Variants in UNC80 observed in about 807,000 individuals in gnomAD.
The protein encoded by UNC80 is protein unc-80 homolog.
A neutral mutation model predicts 384.6 loss-of-function variants in UNC80; 164 were observed. The observed-to-expected ratio is 0.43, with a 90% CI of 0.38 to 0.49. The LOEUF (loss-of-function observed/expected upper bound fraction) is 0.49, where lower values mean the gene tolerates loss of function less well. UNC80 is among the 20% of genes least tolerant of loss of function. The pLI is 0.00. For missense variants in UNC80, 3,330 were observed against 4,143.0 expected, an observed-to-expected ratio of 0.80 and a Z score of 5.39; for synonymous variants, 1,486 against 1,527.8, an observed-to-expected ratio of 0.97 and a Z score of 0.64.
At chr2:209,952,425 C>A (rs555340842) in intron 47 of UNC80, among the ~76,000 whole-genome samples, 3 of 152,280 alleles carry the variant, frequency 2.0e-5, no homozygotes, top group Admixed American at 6.5e-5. Context: ...ATTTATTTCA[C>A]ACTGCTAGGA....
At chr2:209,866,527 C>CACACACACACACACAT (rs774958486) in intron 22 of UNC80, among the ~76,000 whole-genome samples, 126 of 90,952 alleles carry the variant, frequency 1.4e-3, no homozygotes, top group Admixed American at 5.7e-3. Flanking sequence ...CACACACACA[C>CACACACACACACACAT]ACACACAGAG....
intron 29 of UNC80, among the ~76,000 whole-genome samples, chr2:209,911,268 A>G (rs180920464): frequency 3.2e-4 from 48 of 152,266 alleles, no homozygotes; most frequent in Admixed American, 6.5e-4. Context: ...CTATTGCTAT[A>G]TATGATTTTA....
At chr2:209,859,894 G>A (rs1461154353) in intron 22 of UNC80, among the ~76,000 whole-genome samples, 4 of 151,972 alleles carry the variant, frequency 2.6e-5, no homozygotes, top group Admixed American at 1.3e-4. Flanking sequence ...CTGTAAATTT[G>A]TTTAAGTTCC....
chr2:209,968,992 A>G (rs2125010323), intron 52 of UNC80: 1 of 152,360 alleles, frequency 6.6e-6, no homozygotes, highest in Middle Eastern at 3.4e-3. Flanking sequence ...AGCCTCATTT[A>G]TGAATACATT....
chr2:209,872,992 A>C lies in UNC80; in HGVS notation c.3840+22A>C. The stretch of plus-strand genomic sequence containing the variant: ...AGACGTGAGCTTTCGGTTTTCTTCT[A>C]TAACAATTAGGTTGCTTAAGTGAAG... On this transcript the variant is annotated intron_variant, in intron 23 of 64. Coordinates refer to ENST00000673920, the MANE Select transcript of UNC80 (RefSeq NM_001371986.1). This position sits in a 1 kb window ranked among gnomAD's most constrained non-coding sequence, Gnocchi z 4.1. 1.3e-6 allele frequency: 2 copies of C among 1,548,836 alleles called. No homozygotes were observed. Among genetic ancestry groups the C allele is most frequent in the East Asian group, 4.9e-5 (2 of 40,892 alleles).
chr2:209,842,871 GC>G (rs1574693777), intron 21 of UNC80, among the ~76,000 whole-genome samples: 1 of 152,150 alleles, frequency 6.6e-6, no homozygotes, highest in African/African-American at 2.4e-5. Context: ...CTGTTCTAGA[GC>G]AAGACAGCCT....
chr2:209,866,490 CCACA>C (rs71409845), intron 22 of UNC80, among the ~76,000 whole-genome samples: 64 of 107,634 alleles, frequency 5.9e-4, no homozygotes, highest in East Asian at 2.0e-3. Context: ...AAATGCACCC[CCACA>C]CACACACACA....
chr2:209,882,915 C>A (rs2085426552), intron 25 of UNC80, among the ~76,000 whole-genome samples: 1 of 152,108 alleles, frequency 6.6e-6, no homozygotes. Flanking sequence ...AAAGATCAAT[C>A]AAATCTTCTA....
At chr2:209,895,323 A>G (rs2086700973) in intron 27 of UNC80, among the ~76,000 whole-genome samples, 1 of 152,234 alleles carries the variant, frequency 6.6e-6, no homozygotes, top group Admixed American at 6.5e-5. Flanking sequence ...AGTAGTTTCA[A>G]AAGTCAGCAA....
chr2:209,976,333 G>A lies in UNC80; in HGVS notation c.8772+30G>A. ...GGTGTGTGCTTCTCCTCCTGAAAGTGGCAAGCTCAAATGAATGTGTGGCTC... is the reference window on the plus strand; with the variant it reads ...GGTGTGTGCTTCTCCTCCTGAAAGTAGCAAGCTCAAATGAATGTGTGGCTC... On this transcript the variant is annotated intron_variant, in intron 57 of 64. Coordinates refer to ENST00000673920, the MANE Select transcript of UNC80 (RefSeq NM_001371986.1). This position sits in a 1 kb window ranked among gnomAD's most constrained non-coding sequence, Gnocchi z 4.3. The A allele has an allele frequency of 1.3e-6, 2 of 1,551,530 alleles. No individual in the cohort carries two copies. Among genetic ancestry groups the A allele is most frequent in the Non-Finnish European group, 1.7e-6 (2 of 1,146,950 alleles).
At chr2:209,961,280 G>A (rs952377545) in intron 51 of UNC80, 2 of 151,198 alleles carry the variant, frequency 1.3e-5, no homozygotes, top group African/African-American at 2.5e-5. Context: ...GCCTGGCACA[G>A]ATCTGGACAC....
intron 53 of UNC80, 83 bp downstream of exon 53, chr2:209,969,974 C>G (rs1305837386): frequency 6.7e-7 from 1 of 1,501,832 alleles, no homozygotes; most frequent in Non-Finnish European, 8.9e-7. Flanking sequence ...ATTTACAGGT[C>G]AACCACTTTG....
Position 209,793,824 on chromosome 2 carries a change from C to T in UNC80, c.903C>T (p.Ser301=). ...RGNSFDGSLS[S]QTSQERGPSH... ...ACTCCTTTGATGGAAGTCTGTCCTC[C>T]CAAACTTCCCAGGAAAGAGGCCCAT... Residue 301 remains serine (S), a synonymous_variant, in exon 7 of 65, where the codon TCC becomes TCT. Coordinates refer to ENST00000673920, the MANE Select transcript of UNC80 (RefSeq NM_001371986.1). 1.2e-6 allele frequency: 2 copies of T among 1,614,066 alleles called. No individual in the cohort carries two copies. Among genetic ancestry groups the T allele is most frequent in the Non-Finnish European group, 1.7e-6 (2 of 1,179,964 alleles).
At chr2:209,953,958 A>C in intron 47 of UNC80, 142 bp from the exon 48 acceptor site, 1 of 876,128 alleles carries the variant, frequency 1.1e-6, no homozygotes, top group Non-Finnish European at 1.7e-6. Flanking sequence ...AGCAGCTTTA[A>C]CTGCTTTTGA....
In UNC80 at chr2:209,872,944, G is replaced by A. The variant is rs1340491003; in HGVS notation, c.3814G>A (p.Ala1272Thr). The change falls in exon 23 of 65, where the codon GCC becomes ACC. Residue 1272 changes from alanine (A) to threonine (T), a missense_variant. This residue lies in a region of UNC80 where 801 missense variants were observed against 950.8 expected (regional missense o/e 0.84). Coordinates refer to ENST00000673920, the MANE Select transcript of UNC80 (RefSeq NM_001371986.1). This position sits in a 1 kb window ranked among gnomAD's most constrained non-coding sequence, Gnocchi z 4.1. ...KRNQKLQWNA[A>T]KLFYQWGDAI... ...AAACCAGAAGCTGCAGTGGAATGCAGCCAAGCTCTTCTACCAATGGGGAGA... is the reference window on the plus strand; with the variant it reads ...AAACCAGAAGCTGCAGTGGAATGCAACCAAGCTCTTCTACCAATGGGGAGA... The A allele has an allele frequency of 2.6e-6, 4 of 1,551,660 alleles. No homozygotes were observed. In the Admixed American group the frequency reaches 5.9e-5, roughly 23 times the overall value.
Position 209,813,774 on chromosome 2 carries a change from T to G in UNC80, c.1133T>G (p.Leu378Arg). 1 of 1,552,042 alleles carries G rather than the reference T, an allele frequency of 6.4e-7. No homozygotes were observed. The highest frequency in any genetic ancestry group is 8.7e-7 in the Non-Finnish European group (1 of 1,147,070). Residue 378 changes from leucine (L) to arginine (R), a missense_variant, in exon 8 of 65, where the codon CTG (leucine) becomes CGG (arginine). Physicochemically the swap from Leu to Arg is moderately radical, Grantham distance 102. Transcript: ENST00000673920. Reference sequence around the variant, plus strand: ...CCTCCGGAGCCAGATATTCCTCTCCTGCCCAGACCCAGGAGTAGCTCCATG... The same window carrying G: ...CCTCCGGAGCCAGATATTCCTCTCCGGCCCAGACCCAGGAGTAGCTCCATG... ...EKPPEPDIPLLPRPRSSSMVA... is the reference protein window; with the variant it reads ...EKPPEPDIPLRPRPRSSSMVA...
intron 52 of UNC80, 55 bp downstream of exon 52, chr2:209,967,692 G>A (rs1024697794): frequency 3.3e-6 from 5 of 1,525,408 alleles, no homozygotes; most frequent in Non-Finnish European, 4.4e-6. Context: ...GTTAAGATTT[G>A]TCATTTTTTA....
intron 61 of UNC80, 82 bp from the exon 62 acceptor site, chr2:209,992,084 C>T: frequency 9.2e-7 from 1 of 1,082,864 alleles, no homozygotes; most frequent in Non-Finnish European, 1.4e-6. Context: ...CTGTATCATA[C>T]AAGTGATTTT....
chr2:209,882,679 C>T (rs555948196), intron 25 of UNC80, among the ~76,000 whole-genome samples: 4 of 152,236 alleles, frequency 2.6e-5, no homozygotes, highest in Admixed American at 1.3e-4. Context: ...TTCTATAGGC[C>T]TCTATCAGTA....
Sources: allele counts gnomAD v4.1 joint callset (sites outside exome capture counted in the v4.1 genomes callset), GRCh38; gene constraint gnomAD v4.1.1; regional missense constraint gnomAD v4.1.1; non-coding constraint Gnocchi (gnomAD v3.1); transcripts MANE v1.5; gene names NCBI Gene and HGNC (gene_info 2026-07-23, HGNC 2026-07-21).